The following FBXO34 variants were observed in gnomAD, a reference collection of about 807,000 sequenced individuals.
FBXO34 encodes the protein F-box only protein 34.
A neutral mutation model predicts 24.5 loss-of-function variants in FBXO34; 12 were observed. The observed-to-expected ratio is 0.49, with a 90% CI of 0.31 to 0.79. FBXO34 has a LOEUF of 0.79. Among genes scored for constraint, FBXO34 ranks in the 30% least tolerant of loss-of-function variants. The pLI, the probability that FBXO34 is intolerant of heterozygous loss-of-function variation, is 0.04. For missense variants in FBXO34, 823 were observed against 857.7 expected (o/e 0.96, Z 0.51); for synonymous variants, 320 against 311.9 (o/e 1.03, Z -0.27).
the FBXO34 span, among the ~76,000 whole-genome samples, chr14:55,393,350 A>G: frequency 4.6e-5 from 7 of 151,908 alleles, no homozygotes; most frequent in African/African-American, 1.5e-4. Context: ...GCGCCACTGC[A>G]CTCCAGCCTG....
the FBXO34 span, among the ~76,000 whole-genome samples, chr14:55,420,482 T>A: frequency 6.6e-6 from 1 of 152,170 alleles, no homozygotes; most frequent in South Asian, 2.1e-4. Context: ...TTTAAGACAG[T>A]ATAGCATGAA....
chr14:55,419,999 G>A, the FBXO34 span, among the ~76,000 whole-genome samples: 107,837 of 152,130 alleles, frequency 0.71, 38,446 homozygotes, highest in African/African-American at 0.76. Context: ...GTTTAGGGAG[G>A]AGCCTGAAAG....
chr14:55,331,667 GT>G (rs1225977940), intron 1 of FBXO34, among the ~76,000 whole-genome samples: 34 of 53,938 alleles, frequency 6.3e-4, no homozygotes, highest in Non-Finnish European at 7.3e-4. Context: ...CCAACATGGT[GT>G]GTGTATATAT....
intron 1 of FBXO34, among the ~76,000 whole-genome samples, chr14:55,336,519 G>A (rs1883780017): frequency 1.3e-5 from 2 of 152,162 alleles, no homozygotes; most frequent in Admixed American, 1.3e-4. Flanking sequence ...CATTCATCCA[G>A]TGTTTTCCAC....
chr14:55,413,497 C>T, the FBXO34 span: 2 of 240,802 alleles, frequency 8.3e-6, no homozygotes, highest in African/African-American at 2.3e-5. Flanking sequence ...GAGGGGGCGG[C>T]GCCACACTTC....
intron 1 of FBXO34, among the ~76,000 whole-genome samples, chr14:55,316,263 G>A (rs947670449): frequency 3.3e-5 from 5 of 152,122 alleles, no homozygotes; most frequent in Admixed American, 3.3e-4. Context: ...GGATGAACAT[G>A]TAGAGTCCCT....
At chr14:55,280,527 CTTT>C (rs77678519) in intron 1 of FBXO34, among the ~76,000 whole-genome samples, 1 of 125,900 alleles carries the variant, frequency 7.9e-6, no homozygotes, top group Non-Finnish European at 1.6e-5. Context: ...ATATCAGGAA[CTTT>C]TTTTTTTTTT....
the FBXO34 span, chr14:55,377,794 A>G: frequency 2.6e-6 from 4 of 1,515,658 alleles, no homozygotes; most frequent in East Asian, 9.0e-5. Context: ...AAACACTTAG[A>G]GAAAAGCAAC....
intron 1 of FBXO34, among the ~76,000 whole-genome samples, chr14:55,333,456 G>A (rs1883667075): frequency 1.3e-5 from 2 of 152,254 alleles, no homozygotes; most frequent in African/African-American, 4.8e-5. Context: ...GGTGTGAACT[G>A]TGCATACTTG....
At chr14:55,386,747 T>C in the FBXO34 span, among the ~76,000 whole-genome samples, 1 of 152,168 alleles carries the variant, frequency 6.6e-6, no homozygotes, top group South Asian at 2.1e-4. Context: ...CCTGTCAGAT[T>C]TAGGTCCTTT....
intron 1 of FBXO34, among the ~76,000 whole-genome samples, chr14:55,272,589 C>G (rs1337577051): frequency 6.7e-6 from 1 of 148,574 alleles, no homozygotes; most frequent in Non-Finnish European, 1.5e-5. Context: ...AGAAAATGGC[C>G]AGGAGGAGGG....
the FBXO34 span, chr14:55,397,290 T>C: frequency 1.7e-6 from 2 of 1,177,566 alleles, no homozygotes; most frequent in Non-Finnish European, 2.5e-6. Flanking sequence ...GCAATCCGTA[T>C]ATCTGCATAC....
chr14:55,428,695 C>G, the FBXO34 span: 2 of 1,165,468 alleles, frequency 1.7e-6, no homozygotes, highest in African/African-American at 3.1e-5. Context: ...TTGTGTCCCC[C>G]GCCTTTTTTT....
At chr14:55,276,125 T>G (rs1202105355) in intron 1 of FBXO34, among the ~76,000 whole-genome samples, 2 of 152,178 alleles carry the variant, frequency 1.3e-5, no homozygotes, top group Non-Finnish European at 2.9e-5. Flanking sequence ...ATACCTTTTC[T>G]CCTTTTCTTT....
chr14:55,432,813 C>T, the FBXO34 span, among the ~76,000 whole-genome samples: 2 of 152,212 alleles, frequency 1.3e-5, no homozygotes, highest in South Asian at 2.1e-4. Context: ...TCTGCCACTA[C>T]AGAGTTATGG....
chr14:55,427,823 G>A, the FBXO34 span, among the ~76,000 whole-genome samples: 527 of 139,708 alleles, frequency 3.8e-3, 8 homozygotes, highest in African/African-American at 0.015. Flanking sequence ...GTTGCGGGCT[G>A]CAGCTATATA....
the FBXO34 span, chr14:55,414,333 A>G: frequency 4.1e-5 from 58 of 1,399,840 alleles, no homozygotes; most frequent in Non-Finnish European, 5.8e-5. Flanking sequence ...TGCTGGGCTT[A>G]TGGACATATT....
downstream of FBXO34, among the ~76,000 whole-genome samples, chr14:55,362,521 A>C (rs1322209711): frequency 6.6e-6 from 1 of 152,232 alleles, no homozygotes; most frequent in East Asian, 1.9e-4. Context: ...AGCGCAAAAA[A>C]ACAAGGTATG....
the FBXO34 span, among the ~76,000 whole-genome samples, chr14:55,422,975 T>A: frequency 0.69 from 104,118 of 151,778 alleles, 35,819 homozygotes; most frequent in South Asian, 0.74. Flanking sequence ...AAAAATTATT[T>A]AAAAAAAAGC....
Sources: allele counts gnomAD v4.1 joint callset (sites outside exome capture counted in the v4.1 genomes callset), GRCh38; gene constraint gnomAD v4.1.1; transcripts MANE v1.5; gene names NCBI Gene and HGNC (gene_info 2026-07-23, HGNC 2026-07-21).